The following RHBDD2 variants were observed in gnomAD, a reference collection of about 807,000 sequenced individuals.
RHBDD2 encodes rhomboid domain containing 2, also known as rhomboid domain-containing protein 2.
Under a neutral mutation model 21.7 loss-of-function variants are expected in RHBDD2, and 13 were observed. That is an observed-to-expected ratio of 0.60 (90% confidence interval 0.39 to 0.95). The LOEUF (loss-of-function observed/expected upper bound fraction) is 0.95. RHBDD2 is among the 40% of genes least tolerant of loss of function. RHBDD2 has a pLI of 0.00. For synonymous variants in RHBDD2, 225 were observed against 220.0 expected (o/e 1.02, Z -0.20); for missense variants, 473 against 478.9 (o/e 0.99, Z 0.11).
chr7:75,879,120 T>C lies in RHBDD2; in HGVS notation c.38T>C (p.Leu13Ser). ...GGGCCCGGGTGTCGCAGCTGGTGCT[T>C]GTGTCCCGAGGTGCCATCCGCCACC... is the stretch of plus-strand genomic sequence containing the variant. ...ASGPGCRSWC[L>S]CPEVPSATFF... The change falls in exon 1 of 4, where the codon TTG becomes TCG. Residue 13 changes from leucine to serine, a missense_variant. Physicochemically the swap from Leu to Ser is moderately radical, Grantham distance 145. Coordinates refer to ENST00000006777, the MANE Select transcript of RHBDD2 (RefSeq NM_001040456.3). 1 of 1,406,196 alleles carries C rather than the reference T, an allele frequency of 7.1e-7. No individual in the cohort carries two copies. Among genetic ancestry groups the C allele is most frequent in the Non-Finnish European group, 9.3e-7 (1 of 1,071,054 alleles). 87.1% of individuals were successfully genotyped at this position (1,406,196 alleles called of 1,614,324 possible).
intron 3 of RHBDD2, among the ~76,000 whole-genome samples, chr7:75,887,435 A>C (rs1468011969): frequency 6.6e-6 from 1 of 151,386 alleles, no homozygotes; most frequent in Non-Finnish European, 1.5e-5. Context: ...CTCCTGCCTC[A>C]GCCTTCTGAG....
At chr7:75,887,897 T>G (rs1038524475) in intron 3 of RHBDD2, 95 bp from the exon 4 acceptor site, 14 of 1,003,346 alleles carry the variant, frequency 1.4e-5, no homozygotes, top group Middle Eastern at 4.4e-4. Flanking sequence ...ATCCAAGGCA[T>G]GTTGTACTAG....
intron 3 of RHBDD2, among the ~76,000 whole-genome samples, chr7:75,886,112 C>CT (rs11455933): frequency 0.22 from 33,607 of 152,056 alleles, 4,440 homozygotes; most frequent in African/African-American, 0.36. Flanking sequence ...GTCCTTGGCC[C>CT]TTTTTGGCCC....
chr7:75,880,593 G>A (rs1302789196), intron 1 of RHBDD2, among the ~76,000 whole-genome samples: 4 of 152,108 alleles, frequency 2.6e-5, no homozygotes, highest in African/African-American at 9.7e-5. Context: ...AGCCAGCCTG[G>A]ATGTAATAGA....
rs1805841165 is a variant in RHBDD2 at position 75,888,567 on chromosome 7, C to T, written c.*218C>T. 1.9e-6 allele frequency: 1 copy of T among 527,180 alleles called. No individual in the cohort carries two copies. Among genetic ancestry groups the T allele is most frequent in the Non-Finnish European group, 3.4e-6 (1 of 296,984 alleles). The allele number at this position is 527,180 out of a possible 1,614,324, so 32.7% of individuals were successfully genotyped here. ...TGCAGAAAGCGAGACGTTCTGCCAT[C>T]AGATAAAGTCACGTGGCTCTTTAGT... is the stretch of plus-strand genomic sequence containing the variant. On this transcript the variant is annotated 3_prime_UTR_variant, in exon 4 of 4. Transcript: ENST00000006777.
chr7:75,880,725 A>C (rs1220088377), intron 1 of RHBDD2, among the ~76,000 whole-genome samples: 1 of 151,898 alleles, frequency 6.6e-6, no homozygotes, highest in Non-Finnish European at 1.5e-5. Context: ...TTAAGAGATA[A>C]CCACTTCTAA....
intron 3 of RHBDD2, among the ~76,000 whole-genome samples, chr7:75,887,051 C>T (rs1805718713): frequency 6.6e-6 from 1 of 151,966 alleles, no homozygotes; most frequent in Non-Finnish European, 1.5e-5. Flanking sequence ...GGTCCAGGGC[C>T]ATGTCATGAC....
chr7:75,888,097 C>T lies in RHBDD2; in HGVS notation c.843C>T (p.Ala281=). The change falls in exon 4 of 4, where the codon GCC becomes GCT. Residue 281 remains alanine (A), a synonymous_variant. Coordinates refer to ENST00000006777, the MANE Select transcript of RHBDD2 (RefSeq NM_001040456.3). ...QTQHASGQKL[A]SWPSCTPGHM... ...AGCACGCCAGTGGTCAGAAGCTGGC[C>T]TCCTGGCCCTCCTGCACCCCCGGGC... 1 of 1,613,804 alleles carries T rather than the reference C, an allele frequency of 6.2e-7. No homozygotes were observed. The highest frequency in any genetic ancestry group is 8.5e-7 in the Non-Finnish European group (1 of 1,180,042).
intron 1 of RHBDD2, 194 bp from the exon 2 acceptor site, chr7:75,881,635 A>T: frequency 1.0e-6 from 1 of 998,894 alleles, no homozygotes; most frequent in Non-Finnish European, 1.4e-6. Flanking sequence ...GGGATTAGAT[A>T]TTCATGCCTC....
At chr7:75,884,646 C>T (rs1409741808) in intron 3 of RHBDD2, among the ~76,000 whole-genome samples, 1 of 152,170 alleles carries the variant, frequency 6.6e-6, no homozygotes. Flanking sequence ...ATTCTGGATT[C>T]TGCACAACTG....
At chr7:75,882,997 G>A (rs1167308556) in intron 2 of RHBDD2, among the ~76,000 whole-genome samples, 1 of 152,158 alleles carries the variant, frequency 6.6e-6, no homozygotes, top group Non-Finnish European at 1.5e-5. Flanking sequence ...CACTGAGGCA[G>A]GTGCCCTCTA....
intron 1 of RHBDD2, 56 bp downstream of exon 1, chr7:75,879,316 G>C: frequency 1.0e-5 from 14 of 1,395,400 alleles, no homozygotes; most frequent in East Asian, 3.0e-5. Flanking sequence ...GACTTTGCCG[G>C]TTCCTGGGCT....
intron 1 of RHBDD2, among the ~76,000 whole-genome samples, chr7:75,881,156 G>T (rs1169267121): frequency 6.6e-6 from 1 of 152,132 alleles, no homozygotes; most frequent in Non-Finnish European, 1.5e-5. Context: ...AACGTAGCAA[G>T]ACTTTGTCTC....
Position 75,881,898 on chromosome 7 carries a change from T to G in RHBDD2, c.248T>G (p.Ile83Ser), listed in dbSNP as rs782153688. ...PISLLCGAII[I>S]WRFAGNFERT... ...TCCCTGCTCTGCGGCGCTATCATCA[T>G]CTGGCGCTTTGCTGGCAATTTCGAG... Residue 83 changes from isoleucine to serine, a missense_variant, in exon 2 of 4, where the codon ATC (isoleucine) becomes AGC (serine). Ile to Ser is a moderately radical substitution (Grantham distance 142). Transcript: ENST00000006777. 2 of 1,614,098 alleles carry G rather than the reference T, an allele frequency of 1.2e-6. No homozygotes were observed. The highest frequency in any genetic ancestry group is 1.7e-6 in the Non-Finnish European group (2 of 1,180,024).
chr7:75,879,125 C>G lies in RHBDD2; in HGVS notation c.43C>G (p.Pro15Ala), dbSNP rs1346964464. 1 of 1,429,176 alleles carries G rather than the reference C, an allele frequency of 7.0e-7. No homozygotes were observed. Among genetic ancestry groups the G allele is most frequent in the Non-Finnish European group, 9.2e-7 (1 of 1,082,654 alleles). The allele number at this position is 1,429,176 out of a possible 1,614,324, so 88.5% of individuals were successfully genotyped here. The change falls in exon 1 of 4, where the codon CCC becomes GCC. Residue 15 changes from proline to alanine, a missense_variant. Coordinates refer to ENST00000006777, the MANE Select transcript of RHBDD2 (RefSeq NM_001040456.3). ...CGGGTGTCGCAGCTGGTGCTTGTGT[C>G]CCGAGGTGCCATCCGCCACCTTCTT... ...GPGCRSWCLC[P>A]EVPSATFFTA...
intron 3 of RHBDD2, among the ~76,000 whole-genome samples, chr7:75,884,461 T>G (rs1381948570): frequency 3.9e-5 from 6 of 152,094 alleles, no homozygotes; most frequent in Admixed American, 3.9e-4. Flanking sequence ...TCTCAATCCA[T>G]CCTTCCTTGA....
rs2116001287 is a variant in RHBDD2 at position 75,882,156 on chromosome 7, G to C, written c.506G>C (p.Trp169Ser). 2 of 1,614,158 alleles carry C rather than the reference G, an allele frequency of 1.2e-6. No homozygotes were observed. Among genetic ancestry groups the C allele is most frequent in the East Asian group, 4.5e-5 (2 of 44,874 alleles). ...GTTGTGCCCTCAGTCCTGGTTCCGT[G>C]GCTCCTGCTGGGTGCCTCGTGGCTC... ...GMVVPSVLVP[W>S]LLLGASWLIP... Residue 169 changes from tryptophan (W) to serine (S), a missense_variant, in exon 2 of 4, where the codon TGG (tryptophan) becomes TCG (serine). By Grantham distance (177) the Trp-to-Ser change is radical. Transcript: ENST00000006777.
Position 75,887,980 on chromosome 7 carries a change from G to C in RHBDD2, c.738-12G>C. The C allele has an allele frequency of 6.2e-7, 1 of 1,605,874 alleles. No individual in the cohort carries two copies. The highest frequency in any genetic ancestry group is 1.3e-5 in the African/African-American group (1 of 74,888). On this transcript the variant is annotated splice_polypyrimidine_tract_variant and intron_variant, in intron 3 of 3. Transcript: ENST00000006777. ...TCGCTGAAGGACCATTTTCTCTCTT[G>C]TTCCATTCCAGACTGAACCCGGTGC...
chr7:75,879,093 C>T lies in RHBDD2; in HGVS notation c.11C>T (p.Ser4Leu). The stretch of plus-strand genomic sequence containing the variant: ...GGAACGACGGCGGCCATGGCGGCCT[C>T]GGGGCCCGGGTGTCGCAGCTGGTGC... MAA[S>L]GPGCRSWCLC... Residue 4 changes from serine to leucine, a missense_variant, in exon 1 of 4, where the codon TCG (serine) becomes TTG (leucine). Ser to Leu is a moderately radical substitution (Grantham distance 145, BLOSUM62 -2). Transcript: ENST00000006777. 2.9e-6 allele frequency: 4 copies of T among 1,361,544 alleles called. No homozygotes were observed. Among genetic ancestry groups the T allele is most frequent in the Non-Finnish European group, 3.8e-6 (4 of 1,050,092 alleles). The allele number at this position is 1,361,544 out of a possible 1,614,324, so 84.3% of individuals were successfully genotyped here. A position where few individuals can be genotyped will look rare whatever the true frequency, so the allele number is the denominator to read the frequency against.
Sources: allele counts gnomAD v4.1 joint callset (sites outside exome capture counted in the v4.1 genomes callset), GRCh38; gene constraint gnomAD v4.1.1; transcripts MANE v1.5; gene names NCBI Gene and HGNC (gene_info 2026-07-23, HGNC 2026-07-21).